NRXN3: variants seen among roughly 807,000 people sequenced by gnomAD.
NRXN3 encodes neurexin III.
A neutral mutation model predicts 137.6 loss-of-function variants in NRXN3; 32 were observed. The observed-to-expected ratio is 0.23, with a 90% CI of 0.18 to 0.31. The LOEUF is 0.31. Ranked by LOEUF, NRXN3 falls within the 10% of genes least tolerant of loss-of-function variation. The probability of loss-of-function intolerance (pLI) is 1.00; values close to 1 mark genes in which losing one functional copy is unlikely to be tolerated. For missense variants in NRXN3, 1,574 were observed against 2,062.5 expected (o/e 0.76, Z 4.59); for synonymous variants, 798 against 784.5 (o/e 1.02, Z -0.29).
At chr14:79,012,469 T>C (rs2099572852) in intron 15 of NRXN3, among the ~76,000 whole-genome samples, 2 of 152,158 alleles carry the variant, frequency 1.3e-5, no homozygotes, top group Non-Finnish European at 2.9e-5. Context: ...ATCTAGAGCA[T>C]AATAATGCAT....
intron 19 of NRXN3, among the ~76,000 whole-genome samples, chr14:79,778,456 G>A (rs1346848774): frequency 2.0e-5 from 3 of 151,936 alleles, no homozygotes; most frequent in Non-Finnish European, 4.4e-5. Context: ...AAAAAGATGA[G>A]CAGCATGGAA....
chr14:78,176,975 G>A (rs1334026314), intron 1 of NRXN3, among the ~76,000 whole-genome samples: 1 of 152,134 alleles, frequency 6.6e-6, no homozygotes, highest in Non-Finnish European at 1.5e-5. Flanking sequence ...GGTTAAGGTT[G>A]TCTTCTGACC....
intron 1 of NRXN3, among the ~76,000 whole-genome samples, chr14:78,191,921 G>T (rs1163444545): frequency 6.6e-6 from 1 of 152,126 alleles, no homozygotes; most frequent in Non-Finnish European, 1.5e-5. Flanking sequence ...GTGAGGGGGG[G>T]AGGGTGGTCT....
At chr14:78,400,660 A>G (rs1026575440) in intron 4 of NRXN3, among the ~76,000 whole-genome samples, 34 of 152,274 alleles carry the variant, frequency 2.2e-4, no homozygotes, top group African/African-American at 7.9e-4. Context: ...GTTAAACCTG[A>G]CAATTCTCTA....
At chr14:79,619,106 G>A (rs221503) in intron 16 of NRXN3, among the ~76,000 whole-genome samples, 50,870 of 151,722 alleles carry the variant, frequency 0.34, 11,423 homozygotes, top group African/African-American at 0.65. Flanking sequence ...GATATTAGGT[G>A]TATTTTAAAT....
Position 79,005,923 on chromosome 14 carries a change from C to A in NRXN3, c.3262+17782C>A, listed in dbSNP as rs146952421. Among the ~76,000 whole-genome samples the A allele has an allele frequency of 8.5e-3, 1,288 of 152,224 alleles. 8 individuals carry two copies. The highest frequency in any genetic ancestry group is 0.012 in the Non-Finnish European group (810 of 67,998). ...AATATTTCATCATTGTAGCACTGATCTTACACATATTTGTTAATTTTTCTG... is the reference window on the plus strand; with the variant it reads ...AATATTTCATCATTGTAGCACTGATATTACACATATTTGTTAATTTTTCTG... On this transcript the variant is annotated intron_variant, in intron 15 of 20. Transcript: ENST00000335750.
chr14:78,658,305 G>T (rs2097801585), intron 6 of NRXN3, among the ~76,000 whole-genome samples: 1 of 152,114 alleles, frequency 6.6e-6, no homozygotes, highest in African/African-American at 2.4e-5. Context: ...TGACTGTTCT[G>T]AGCCTCGGTT....
chr14:78,526,478 A>G (rs2096381663), intron 4 of NRXN3, among the ~76,000 whole-genome samples: 1 of 152,234 alleles, frequency 6.6e-6, no homozygotes, highest in Non-Finnish European at 1.5e-5. Context: ...CCAAAAACAA[A>G]GAAAACTAAC....
intron 5 of NRXN3, among the ~76,000 whole-genome samples, chr14:78,647,537 A>G (rs1308909653): frequency 6.6e-6 from 1 of 152,252 alleles, no homozygotes; most frequent in Non-Finnish European, 1.5e-5. Flanking sequence ...AGGTGACTGC[A>G]TCTGTCTGGC....
At position 78,179,387 on chromosome 14, in the gene NRXN3, G is replaced by C. The variant is rs115893242; in HGVS notation, c.-704+8713G>C. Among the ~76,000 whole-genome samples, 742 of 152,336 alleles carry C rather than the reference G, an allele frequency of 4.9e-3. 9 individuals are homozygous for C. The highest frequency in any genetic ancestry group is 0.017 in the African/African-American group (695 of 41,572). On this transcript the variant is annotated intron_variant, in intron 1 of 20. Transcript: ENST00000335750. ...GCAGCCCCTAGGCTGAGCTGCATCAGCTTCATTGCAGTCCCATTGAAGACT... is the reference window on the plus strand; with the variant it reads ...GCAGCCCCTAGGCTGAGCTGCATCACCTTCATTGCAGTCCCATTGAAGACT...
At chr14:79,251,123 T>G (rs1282299117) in intron 15 of NRXN3, among the ~76,000 whole-genome samples, 1 of 152,180 alleles carries the variant, frequency 6.6e-6, no homozygotes, top group Non-Finnish European at 1.5e-5. Flanking sequence ...GTTAGAACTT[T>G]CCATAGGTGT....
intron 16 of NRXN3, among the ~76,000 whole-genome samples, chr14:79,498,644 A>G (rs1188936471): frequency 6.6e-6 from 1 of 152,234 alleles, no homozygotes; most frequent in African/African-American, 2.4e-5. Context: ...CCTCCCGAAT[A>G]CATTCAAAAT....
intron 4 of NRXN3, among the ~76,000 whole-genome samples, chr14:78,333,299 G>A (rs1001030226): frequency 2.6e-5 from 4 of 152,198 alleles, no homozygotes; most frequent in African/African-American, 9.6e-5. Context: ...TCAGTACCTT[G>A]AGGGATTTGT....
chr14:78,636,789 T>A (rs954256287), intron 4 of NRXN3, among the ~76,000 whole-genome samples: 5 of 152,164 alleles, frequency 3.3e-5, no homozygotes, highest in Non-Finnish European at 7.3e-5. Context: ...AAGACAGGCA[T>A]GTGCAGTACA....
At position 79,371,494 on chromosome 14, in the gene NRXN3, G is replaced by A. The variant is rs1413766274; in HGVS notation, c.3263-95727G>A. ...ATCAAACCAGTTTTATATCTGATAT[G>A]TTTAATCCAAATAAATGTCTTTTTT... is the stretch of plus-strand genomic sequence containing the variant. On this transcript the variant is annotated intron_variant, in intron 15 of 20. Coordinates refer to ENST00000335750, the MANE Select transcript of NRXN3 (RefSeq NM_001330195.2). 5.3e-5 allele frequency among the ~76,000 whole-genome samples: 8 copies of A among 151,984 alleles called. 1 individual carries two copies. Among genetic ancestry groups the A allele is most frequent in the Admixed American group, 5.2e-4 (8 of 15,260 alleles).
Position 78,451,200 on chromosome 14 carries a change from C to T in NRXN3, c.757+153340C>T, listed in dbSNP as rs139836857. On this transcript the variant is annotated intron_variant, in intron 4 of 20. Transcript: ENST00000335750. ...ACAAAGAACAAGCTTAAGAATTGGA[C>T]GTTTCTGAGTTATAGCACCACATGT... 2.5e-3 allele frequency among the ~76,000 whole-genome samples: 379 copies of T among 152,226 alleles called. 2 individuals are homozygous for T. Among genetic ancestry groups the T allele is most frequent in the African/African-American group, 8.6e-3 (356 of 41,540 alleles).
chr14:78,753,214 G>C (rs748947804), intron 8 of NRXN3, among the ~76,000 whole-genome samples: 1 of 152,110 alleles, frequency 6.6e-6, no homozygotes, highest in Non-Finnish European at 1.5e-5. Context: ...CCTTCAACAA[G>C]GAAGTTCCAT....
intron 15 of NRXN3, among the ~76,000 whole-genome samples, chr14:79,195,173 C>T (rs17108928): frequency 4.6e-5 from 7 of 152,240 alleles, no homozygotes; most frequent in Middle Eastern, 3.4e-3. Flanking sequence ...TGACAAGATG[C>T]TCCCAGTGAA....
intron 20 of NRXN3, among the ~76,000 whole-genome samples, chr14:79,828,882 T>C (rs1411339631): frequency 6.6e-6 from 1 of 152,118 alleles, no homozygotes; most frequent in African/African-American, 2.4e-5. Context: ...GAATTAGTCA[T>C]ACAATAATTA....
Sources: gnomAD v4.1 joint callset for allele counts (sites outside exome capture counted in the v4.1 genomes callset) on GRCh38, gnomAD v4.1.1 for gene constraint, MANE v1.5 for transcripts, NCBI Gene and HGNC (gene_info 2026-07-23, HGNC 2026-07-21) for gene names.